The following SYT1 variants were observed in gnomAD, a reference collection of about 807,000 sequenced individuals.
SYT1 encodes synaptotagmin-1.
SYT1 carries 8 observed loss-of-function variants against 44.8 expected under a neutral mutation model. The observed-to-expected ratio is 0.18, with a 90% confidence interval of 0.10 to 0.32. The LOEUF (loss-of-function observed/expected upper bound fraction) is 0.32, where lower values mean the gene tolerates loss of function less well. Ranked by LOEUF, SYT1 falls within the 10% of genes least tolerant of loss-of-function variation. The pLI, the probability that SYT1 is intolerant of heterozygous loss-of-function variation, is 1.00. For synonymous variants in SYT1, 154 were observed against 188.8 expected, an observed-to-expected ratio of 0.82 and a Z score of 1.51; for missense variants, 286 against 509.3, an observed-to-expected ratio of 0.56 and a Z score of 4.22.
intron 9 of SYT1, among the ~76,000 whole-genome samples, chr12:79,372,140 G>A (rs527252429): frequency 5.9e-5 from 9 of 152,106 alleles, no homozygotes; most frequent in Non-Finnish European, 1.3e-4. Flanking sequence ...GTAGGTATTC[G>A]TGGCTCTTTC....
At chr12:79,221,765 T>C (rs1177053604) in intron 4 of SYT1, among the ~76,000 whole-genome samples, 1 of 152,192 alleles carries the variant, frequency 6.6e-6, no homozygotes, top group Non-Finnish European at 1.5e-5. Context: ...TAAAAAATTA[T>C]TGTGGCTATT....
At chr12:78,901,764 C>T (rs1875677993) in intron 1 of SYT1, among the ~76,000 whole-genome samples, 1 of 152,094 alleles carries the variant, frequency 6.6e-6, no homozygotes, top group Non-Finnish European at 1.5e-5. Context: ...TCACAGTAGT[C>T]ATGTGATCAA....
intron 3 of SYT1, among the ~76,000 whole-genome samples, chr12:79,179,506 GAT>G: frequency 1.1e-5 from 1 of 90,724 alleles, no homozygotes; most frequent in African/African-American, 4.3e-5. Context: ...TATAGATATA[GAT>G]ATAGATATAT....
At chr12:79,157,034 C>T (rs17005311) in intron 3 of SYT1, among the ~76,000 whole-genome samples, 13,647 of 152,048 alleles carry the variant, frequency 0.09, 758 homozygotes, top group African/African-American at 0.16. Context: ...GAGGGAAAGG[C>T]GGTGTCAGGG....
At chr12:78,984,397 A>G (rs1869497655) in intron 2 of SYT1, among the ~76,000 whole-genome samples, 1 of 152,038 alleles carries the variant, frequency 6.6e-6, no homozygotes, top group African/African-American at 2.4e-5. Flanking sequence ...ATAATATGCC[A>G]ACAGAAAAGT....
intron 1 of SYT1, among the ~76,000 whole-genome samples, chr12:78,969,993 G>A (rs1272815126): frequency 6.6e-6 from 1 of 152,110 alleles, no homozygotes; most frequent in Admixed American, 6.6e-5. Flanking sequence ...AAATTAATCT[G>A]AAACTGGTGT....
At chr12:79,160,649 C>T (rs1188598507) in intron 3 of SYT1, among the ~76,000 whole-genome samples, 1 of 151,924 alleles carries the variant, frequency 6.6e-6, no homozygotes, top group Admixed American at 6.6e-5. Context: ...TCTAGATATG[C>T]TATGTTGAAA....
At chr12:79,212,145 A>C (rs1874497666) in intron 3 of SYT1, among the ~76,000 whole-genome samples, 1 of 152,020 alleles carries the variant, frequency 6.6e-6, no homozygotes, top group Admixed American at 6.6e-5. Flanking sequence ...GATAAAGAAA[A>C]TGTGGCACAT....
chr12:79,426,613 A>G (rs1869465120), intron 9 of SYT1, among the ~76,000 whole-genome samples: 2 of 152,200 alleles, frequency 1.3e-5, no homozygotes, highest in Admixed American at 1.3e-4. Context: ...TGATAGCGAT[A>G]ATCTAATATT....
chr12:79,289,001 C>T (rs763751203), intron 5 of SYT1, among the ~76,000 whole-genome samples: 4 of 152,044 alleles, frequency 2.6e-5, no homozygotes, highest in Non-Finnish European at 4.4e-5. Flanking sequence ...ATTTTAAACA[C>T]GCTAACAGAT....
rs575361155 is a variant in SYT1, at chr12:79,082,475, C to A, written c.-18+35113C>A. On this transcript the variant is annotated intron_variant, in intron 3 of 10. Transcript: ENST00000261205. ...TATGTTAGCTCTGAACAGACATGAT[C>A]CCTATCCTCAGGAAACTGGTACAAC... Among the ~76,000 whole-genome samples, 261 of 152,222 alleles carry A rather than the reference C, an allele frequency of 1.7e-3. 1 individual carries two copies. Among genetic ancestry groups the A allele is most frequent in the Non-Finnish European group, 3.1e-3 (210 of 68,018 alleles).
chr12:79,297,754 C>T (rs1157413237), intron 7 of SYT1, among the ~76,000 whole-genome samples: 2 of 152,088 alleles, frequency 1.3e-5, no homozygotes, highest in Non-Finnish European at 2.9e-5. Context: ...GATTACTCAT[C>T]TTGAAATGCC....
At chr12:79,316,175 C>A (rs911619495) in intron 8 of SYT1, among the ~76,000 whole-genome samples, 1 of 152,186 alleles carries the variant, frequency 6.6e-6, no homozygotes, top group African/African-American at 2.4e-5. Context: ...TCCAATGTGT[C>A]TTAGTGCAAG....
intron 9 of SYT1, among the ~76,000 whole-genome samples, chr12:79,442,765 T>TA (rs530062111): frequency 3.3e-5 from 5 of 152,180 alleles, no homozygotes; most frequent in Non-Finnish European, 7.4e-5. Flanking sequence ...TTTTCTCTTC[T>TA]AAAAATAGGT....
At chr12:79,176,266 G>A (rs1255948169) in intron 3 of SYT1, among the ~76,000 whole-genome samples, 6 of 145,180 alleles carry the variant, frequency 4.1e-5, no homozygotes, top group African/African-American at 1.6e-4. Context: ...TCCAGCCTGG[G>A]CAACAAGAGC....
At chr12:79,106,870 T>C (rs1459884503) in intron 3 of SYT1, among the ~76,000 whole-genome samples, 1 of 152,078 alleles carries the variant, frequency 6.6e-6, no homozygotes, top group Non-Finnish European at 1.5e-5. Context: ...TTACCTTTAA[T>C]CATAGTAGGA....
rs149553826 is a variant in SYT1, at chr12:79,123,129, G to A, written c.-18+75767G>A. On this transcript the variant is annotated intron_variant, in intron 3 of 10. Coordinates refer to ENST00000261205, the MANE Select transcript of SYT1 (RefSeq NM_005639.3). The stretch of plus-strand genomic sequence containing the variant: ...TTCAAACTAATTTACCATTTTATCC[G>A]CAAGTTTCTAGTAGGCTCTAACACT... Among the ~76,000 whole-genome samples the A allele has an allele frequency of 6.7e-3, 1,019 of 152,184 alleles. 14 individuals are homozygous for A. Among genetic ancestry groups the A allele is most frequent in the African/African-American group, 0.023 (975 of 41,508 alleles).
At chr12:78,899,299 T>A (rs1468835698) in intron 1 of SYT1, among the ~76,000 whole-genome samples, 2 of 151,994 alleles carry the variant, frequency 1.3e-5, no homozygotes, top group Non-Finnish European at 2.9e-5. Flanking sequence ...GAGTGCAATG[T>A]AATAACTAAT....
intron 2 of SYT1, among the ~76,000 whole-genome samples, chr12:79,006,413 G>A (rs968811095): frequency 6.6e-6 from 1 of 152,102 alleles, no homozygotes; most frequent in Non-Finnish European, 1.5e-5. Context: ...AATGCTCTAT[G>A]AGGGGAAAAA....
Sources: allele counts gnomAD v4.1 joint callset (sites outside exome capture counted in the v4.1 genomes callset), GRCh38; gene constraint gnomAD v4.1.1; transcripts MANE v1.5; gene names NCBI Gene and HGNC (gene_info 2026-07-23, HGNC 2026-07-21).